GRID2: variants seen among roughly 807,000 people sequenced by gnomAD.
GRID2 encodes the protein glutamate ionotropic receptor delta type subunit 2.
Under a neutral mutation model 114.8 loss-of-function variants are expected in GRID2, and 33 were observed. The ratio of observed to expected loss-of-function variants is 0.29; its 90% CI spans 0.22 to 0.38. GRID2 has a LOEUF of 0.38. GRID2 is among the 10% of genes least tolerant of loss of function. The probability of loss-of-function intolerance (pLI) is 1.00; values close to 1 mark genes in which losing one functional copy is unlikely to be tolerated. For synonymous variants in GRID2, 505 were observed against 449.9 expected (o/e 1.12, Z -1.55); for missense variants, 1,184 against 1,257.7 (o/e 0.94, Z 0.89).
At chr4:93,516,108 C>A (rs899421885) in intron 13 of GRID2, among the ~76,000 whole-genome samples, 6 of 152,052 alleles carry the variant, frequency 3.9e-5, no homozygotes, top group African/African-American at 1.4e-4. Flanking sequence ...AGTGACTAGC[C>A]TAGTGAAAAT....
intron 1 of GRID2, among the ~76,000 whole-genome samples, chr4:92,374,617 A>C (rs1729271442): frequency 6.6e-6 from 1 of 152,106 alleles, no homozygotes; most frequent in African/African-American, 2.4e-5. Flanking sequence ...ACAGAGTTTG[A>C]CTCTTTTCAT....
rs1728985968 is a variant in GRID2, at chr4:93,717,353, A to G, written c.2361-51857A>G. On this transcript the variant is annotated intron_variant, in intron 14 of 15. Transcript: ENST00000282020. ...TCAATATTAATTATCTTTTGGGTTA[A>G]TGGAAGTAATATGGATAACTTTCTC... 2.0e-5 allele frequency among the ~76,000 whole-genome samples: 3 copies of G among 151,766 alleles called. 1 individual carries two copies. In the South Asian group the frequency reaches 6.2e-4, roughly 31 times the overall value.
chr4:93,275,516 T>C (rs1342919921), intron 8 of GRID2, among the ~76,000 whole-genome samples: 5 of 151,738 alleles, frequency 3.3e-5, no homozygotes, highest in Non-Finnish European at 7.4e-5. Flanking sequence ...ACTACCAAGT[T>C]AGTTTCCAAA....
At chr4:93,013,436 C>T (rs1215294707) in intron 2 of GRID2, among the ~76,000 whole-genome samples, 2 of 151,900 alleles carry the variant, frequency 1.3e-5, no homozygotes, top group African/African-American at 2.4e-5. Flanking sequence ...AATAAGCCTA[C>T]ATACACTATC....
chr4:92,890,545 A>T (rs1746700012), intron 2 of GRID2, among the ~76,000 whole-genome samples: 1 of 152,240 alleles, frequency 6.6e-6, no homozygotes, highest in African/African-American at 2.4e-5. Context: ...AGAGAAATGC[A>T]AATCAAACCA....
At chr4:92,328,821 C>T (rs1362151654) in intron 1 of GRID2, among the ~76,000 whole-genome samples, 1 of 152,008 alleles carries the variant, frequency 6.6e-6, no homozygotes, top group Non-Finnish European at 1.5e-5. Flanking sequence ...CTAACTGCTA[C>T]AGCTAAGGAT....
chr4:93,445,975 T>C (rs940780267), intron 10 of GRID2, among the ~76,000 whole-genome samples: 2 of 152,090 alleles, frequency 1.3e-5, no homozygotes, highest in East Asian at 1.9e-4. Context: ...GAACCAGGAA[T>C]TGGCAGATTT....
At chr4:93,439,670 T>TGA (rs1305769637) in intron 10 of GRID2, among the ~76,000 whole-genome samples, 3 of 152,102 alleles carry the variant, frequency 2.0e-5, no homozygotes, top group African/African-American at 7.2e-5. Context: ...TTGTTCCACC[T>TGA]GAGCATGGGT....
At chr4:93,167,118 G>A (rs1738327609) in intron 4 of GRID2, among the ~76,000 whole-genome samples, 1 of 152,106 alleles carries the variant, frequency 6.6e-6, no homozygotes, top group African/African-American at 2.4e-5. Context: ...CATCAGAAAG[G>A]GAATGTAAAA....
chr4:93,446,973 C>T (rs1010607102), intron 10 of GRID2, among the ~76,000 whole-genome samples: 8 of 151,672 alleles, frequency 5.3e-5, no homozygotes, highest in Non-Finnish European at 1.5e-5. Context: ...GTGCCTCCAA[C>T]TCCAAAATTT....
chr4:92,771,426 C>T (rs1415487816), intron 2 of GRID2, among the ~76,000 whole-genome samples: 1 of 152,058 alleles, frequency 6.6e-6, no homozygotes, highest in Non-Finnish European at 1.5e-5. Flanking sequence ...CTGTTTTCTT[C>T]TTTCTGTTAT....
chr4:92,902,640 T>G (rs1182644194), intron 2 of GRID2, among the ~76,000 whole-genome samples: 1 of 152,100 alleles, frequency 6.6e-6, no homozygotes, highest in Non-Finnish European at 1.5e-5. Context: ...TACATTTAAG[T>G]CTTTAATCCA....
chr4:92,700,168 C>G (rs963037781), intron 2 of GRID2, among the ~76,000 whole-genome samples: 7 of 152,140 alleles, frequency 4.6e-5, no homozygotes, highest in Non-Finnish European at 8.8e-5. Context: ...TCTCAACAGA[C>G]AAGTCTTGGG....
intron 1 of GRID2, among the ~76,000 whole-genome samples, chr4:92,404,390 T>G (rs1230935744): frequency 6.6e-6 from 1 of 152,124 alleles, no homozygotes; most frequent in Admixed American, 6.6e-5. Context: ...AAACAACAGA[T>G]GCTGGCAAGG....
At chr4:93,484,327 G>A (rs1726167115) in intron 11 of GRID2, among the ~76,000 whole-genome samples, 1 of 151,834 alleles carries the variant, frequency 6.6e-6, no homozygotes, top group Non-Finnish European at 1.5e-5. Flanking sequence ...CATGTTGCTT[G>A]CTTGTGAACA....
At chr4:92,952,373 A>G (rs1021610526) in intron 2 of GRID2, among the ~76,000 whole-genome samples, 3 of 152,216 alleles carry the variant, frequency 2.0e-5, no homozygotes, top group Non-Finnish European at 2.9e-5. Context: ...ATTGAGGATA[A>G]TAGATCTCTA....
At chr4:92,815,600 T>C (rs1482128866) in intron 2 of GRID2, among the ~76,000 whole-genome samples, 1 of 152,084 alleles carries the variant, frequency 6.6e-6, no homozygotes, top group Non-Finnish European at 1.5e-5. Context: ...TGAAATGTTA[T>C]AATCTTATTA....
chr4:93,114,652 G>A (rs557889581), intron 4 of GRID2, among the ~76,000 whole-genome samples: 1 of 152,226 alleles, frequency 6.6e-6, no homozygotes, highest in South Asian at 2.1e-4. Flanking sequence ...GATGGTTCCT[G>A]TTTCTCAATT....
rs1726329241 is a variant in GRID2 at position 92,547,622 on chromosome 4, G to A, written c.89-42509G>A. 3.3e-5 allele frequency among the ~76,000 whole-genome samples: 5 copies of A among 151,658 alleles called. No individual in the cohort carries two copies. The South Asian group carries it at 1.0e-3, about 31-fold the overall frequency. On this transcript the variant is annotated intron_variant, in intron 1 of 15. Transcript: ENST00000282020. Reference sequence around the variant, plus strand: ...GTCTTACCCAAAATGGAAAATACAGGACTTATATTGTTATTTGGGGTAAAT... The same window carrying A: ...GTCTTACCCAAAATGGAAAATACAGAACTTATATTGTTATTTGGGGTAAAT...
Sources: gnomAD v4.1 joint callset for allele counts (sites outside exome capture counted in the v4.1 genomes callset) on GRCh38, gnomAD v4.1.1 for gene constraint, MANE v1.5 for transcripts, NCBI Gene and HGNC (gene_info 2026-07-23, HGNC 2026-07-21) for gene names.